Variants in ZNF266 observed in about 807,000 individuals in gnomAD.
ZNF266 encodes zinc finger protein 266, also known as zinc finger protein 1.
ZNF266 carries 16 observed loss-of-function variants against 16.4 expected under a neutral mutation model. That is an observed-to-expected ratio of 0.98 (90% CI 0.66 to 1.48). The LOEUF is 1.48. ZNF266 is among the 40% of genes most tolerant of loss of function. ZNF266 has a pLI of 0.00. For synonymous variants in ZNF266, 262 were observed against 237.9 expected, an observed-to-expected ratio of 1.10 and a Z score of -0.93; for missense variants, 738 against 689.1, an observed-to-expected ratio of 1.07 and a Z score of -0.79.
At chr19:9,424,686 C>G (rs986468704) in intron 5 of ZNF266, among the ~76,000 whole-genome samples, 1 of 152,094 alleles carries the variant, frequency 6.6e-6, no homozygotes, top group Admixed American at 6.5e-5. Flanking sequence ...CTTTTTCCCA[C>G]TTTTATTTTA....
intron 5 of ZNF266, among the ~76,000 whole-genome samples, chr19:9,429,036 T>C (rs926177231): frequency 2.0e-5 from 3 of 152,124 alleles, no homozygotes; most frequent in African/African-American, 7.2e-5. Context: ...GCCCAACCCA[T>C]GTTTCATTTC....
chr19:9,424,220 CAAAAAAAAA>C (rs55740067), intron 5 of ZNF266, among the ~76,000 whole-genome samples: 25 of 121,572 alleles, frequency 2.1e-4, no homozygotes, highest in Non-Finnish European at 2.6e-4. Flanking sequence ...AACCAAGAGG[CAAAAAAAAA>C]AAAAAAAAAA....
rs1314432862 is a variant in ZNF266, at chr19:9,414,408, C to G, written c.718G>C (p.Gly240Arg). ...TCTCCATTGTGAGTTCTTAAATGTC[C>G]CTGAAGGTGTGAATGATTAATGAAG... Reference protein sequence around the residue: ...KSFINHSHLQGHLRTHNGESL... With the variant: ...KSFINHSHLQRHLRTHNGESL... The change falls in exon 11 of 11, where the codon GGA becomes CGA. Residue 240 changes from glycine to arginine, a missense_variant. Coordinates refer to ENST00000592904, the MANE Select transcript of ZNF266 (RefSeq NM_001370374.1). 3 of 1,614,026 alleles carry G rather than the reference C, an allele frequency of 1.9e-6. No homozygotes were observed. Among genetic ancestry groups the G allele is most frequent in the Middle Eastern group, 1.6e-4 (1 of 6,062 alleles).
Position 9,429,426 on chromosome 19 carries a change from G to A in ZNF266, c.-130+4242C>T, listed in dbSNP as rs377453303. On this transcript the variant is annotated intron_variant, in intron 5 of 10. Transcript: ENST00000592904. The stretch of plus-strand genomic sequence containing the variant: ...TACAGCTACATATCATTCTGTTAAC[G>A]GTTCGTCTTACTAGATGCTTTGTTG... Among the ~76,000 whole-genome samples the A allele has an allele frequency of 1.7e-3, 256 of 151,992 alleles. 3 individuals carry two copies. Among genetic ancestry groups the A allele is most frequent in the African/African-American group, 5.9e-3 (245 of 41,450 alleles).
At chr19:9,429,849 C>T (rs998742685) in intron 5 of ZNF266, among the ~76,000 whole-genome samples, 2 of 152,180 alleles carry the variant, frequency 1.3e-5, no homozygotes, top group African/African-American at 4.8e-5. Flanking sequence ...TGCCTCATGT[C>T]GGTAAACTCC....
intron 5 of ZNF266, among the ~76,000 whole-genome samples, chr19:9,430,439 A>G (rs1317229632): frequency 1.3e-5 from 2 of 151,718 alleles, no homozygotes; most frequent in African/African-American, 4.9e-5. Flanking sequence ...TACCCTTCTC[A>G]CTTTCTATCT....
chr19:9,429,308 T>C (rs1205941182), intron 5 of ZNF266, among the ~76,000 whole-genome samples: 3 of 152,106 alleles, frequency 2.0e-5, no homozygotes, highest in Non-Finnish European at 4.4e-5. Context: ...TAACATTAGA[T>C]TGTCCCAGAG....
chr19:9,422,892 G>A (rs912898378), intron 5 of ZNF266, among the ~76,000 whole-genome samples: 1 of 152,204 alleles, frequency 6.6e-6, no homozygotes, highest in African/African-American at 2.4e-5. Context: ...TGGCTGGATG[G>A]TCAAAAATGT....
chr19:9,431,654 C>G (rs1400030556), intron 5 of ZNF266, among the ~76,000 whole-genome samples: 2 of 152,158 alleles, frequency 1.3e-5, no homozygotes, highest in East Asian at 1.9e-4. Flanking sequence ...CCTGACTCCC[C>G]CTACAGGCTG....
chr19:9,427,160 A>C (rs1028491366), intron 5 of ZNF266, among the ~76,000 whole-genome samples: 1 of 152,118 alleles, frequency 6.6e-6, no homozygotes, highest in African/African-American at 2.4e-5. Flanking sequence ...CTTGAATCTG[A>C]AAAAGAAAAT....
At chr19:9,423,857 C>T (rs958434316) in intron 5 of ZNF266, among the ~76,000 whole-genome samples, 4 of 152,048 alleles carry the variant, frequency 2.6e-5, no homozygotes, top group African/African-American at 4.8e-5. Context: ...ATTAGCTGGG[C>T]GTGGTGACAC....
chr19:9,417,694 G>C (rs1414696601), intron 9 of ZNF266, 134 bp downstream of exon 9: 1 of 650,520 alleles, frequency 1.5e-6, no homozygotes, highest in Non-Finnish European at 2.6e-6. Context: ...GTTGCAGTGA[G>C]CTGAGACTGT....
chr19:9,423,722 G>T (rs933947670), intron 5 of ZNF266, among the ~76,000 whole-genome samples: 9 of 152,146 alleles, frequency 5.9e-5, no homozygotes, highest in Non-Finnish European at 1.3e-4. Context: ...TAGGCCAGGC[G>T]CGGTGGCTCA....
At position 9,414,206 on chromosome 19, in the gene ZNF266, T is replaced by C. The variant is rs1306416048; in HGVS notation, c.920A>G (p.Tyr307Cys). The C allele has an allele frequency of 2.5e-6, 4 of 1,614,098 alleles. No homozygotes were observed. The highest frequency in any genetic ancestry group is 2.7e-5 in the African/African-American group (2 of 74,950). The change falls in exon 11 of 11, where the codon TAT (tyrosine) becomes TGT (cysteine). Residue 307 changes from tyrosine to cysteine, a missense_variant. By Grantham distance (194) the Tyr-to-Cys change is radical. Coordinates refer to ENST00000592904, the MANE Select transcript of ZNF266 (RefSeq NM_001370374.1). ...HMGTHTGDNPYECKECGKAFT... is the reference protein window; with the variant it reads ...HMGTHTGDNPCECKECGKAFT... The stretch of plus-strand genomic sequence containing the variant: ...GGCTTTCCCACACTCCTTACACTCA[T>C]AGGGATTGTCTCCAGTGTGGGTTCC...
chr19:9,415,694 T>C lies in ZNF266; in HGVS notation c.365A>G (p.Gln122Arg). 6.2e-7 allele frequency: 1 copy of C among 1,613,466 alleles called. No homozygotes were observed. Among genetic ancestry groups the C allele is most frequent in the Admixed American group, 1.7e-5 (1 of 60,010 alleles). Reference protein sequence around the residue: ...QLKTKELALQQDVLGEPTSSG... With the variant: ...QLKTKELALQRDVLGEPTSSG... ...GGAGGTTGGCTCCCCCAAAACATCC[T>C]GCTGAAGGGCTAACTCTTTGGTTTT... The change falls in exon 10 of 11, where the codon CAG (glutamine) becomes CGG (arginine). Residue 122 changes from glutamine to arginine, a missense_variant. Physicochemically the swap from Gln to Arg is conservative, Grantham distance 43 (BLOSUM62 1). Transcript: ENST00000592904.
chr19:9,413,291 T>C lies in ZNF266; in HGVS notation c.1835A>G (p.Glu612Gly). The change falls in exon 11 of 11, where the codon GAG becomes GGG. Residue 612 changes from glutamate (E) to glycine (G), a missense_variant. By Grantham distance (98) the Glu-to-Gly change is moderately conservative (BLOSUM62 -2). Coordinates refer to ENST00000592904, the MANE Select transcript of ZNF266 (RefSeq NM_001370374.1). ...FRNHERRHAD[E>G]RLSA ...CCACATTCCTTATGCTGACAGTCTC[T>C]CATCCGCATGCCTTCTTTCATGATT... The C allele has an allele frequency of 6.3e-7, 1 of 1,591,732 alleles. No homozygotes were observed. The highest frequency in any genetic ancestry group is 8.6e-7 in the Non-Finnish European group (1 of 1,168,560).
At chr19:9,416,355 TTTG>T (rs2068983388) in intron 9 of ZNF266, among the ~76,000 whole-genome samples, 2 of 27,722 alleles carry the variant, frequency 7.2e-5, no homozygotes, top group Admixed American at 3.1e-4. Flanking sequence ...GGAGCTTGTT[TTTG>T]TTTTTTGTTT....
At position 9,417,873 on chromosome 19, in the gene ZNF266, G is replaced by A. The variant is rs373391532; in HGVS notation, c.271C>T (p.Leu91=). 3 of 1,613,956 alleles carry A rather than the reference G, an allele frequency of 1.9e-6. No individual in the cohort carries two copies. In the African/African-American group the frequency reaches 4.0e-5, roughly 22 times the overall value. Residue 91 remains leucine (L), a synonymous_variant, in exon 9 of 11, where the codon CTG becomes TTG. Coordinates refer to ENST00000592904, the MANE Select transcript of ZNF266 (RefSeq NM_001370374.1). The stretch of plus-strand genomic sequence containing the variant: ...ACTGTCCTAGACTCTTCTTGTTCCA[G>A]CCAAGAGATCAGACTGGGTTTGAAG... ...QLFKPSLISW[L]EQEESRTVQR...
In ZNF266 at chr19:9,414,373, A is replaced by G. The variant is rs1369924582; in HGVS notation, c.753T>C (p.His251=). 6.2e-7 allele frequency: 1 copy of G among 1,614,062 alleles called. No homozygotes were observed. The highest frequency in any genetic ancestry group is 1.7e-5 in the Admixed American group (1 of 60,010). Residue 251 remains histidine, a synonymous_variant, in exon 11 of 11, where the codon CAT becomes CAC. Transcript: ENST00000592904. The stretch of plus-strand genomic sequence containing the variant: ...AGCCTCTCCCACATTCCTTCCATTC[A>G]TGGAGACTTTCTCCATTGTGAGTTC... ...HLRTHNGESL[H]EWKECGRGFI... is the part of the protein sequence containing the mutation.
Sources: gnomAD v4.1 joint callset for allele counts (sites outside exome capture counted in the v4.1 genomes callset) on GRCh38, gnomAD v4.1.1 for gene constraint, MANE v1.5 for transcripts, NCBI Gene and HGNC (gene_info 2026-07-23, HGNC 2026-07-21) for gene names.